ACBD6: variants seen among roughly 807,000 people sequenced by gnomAD.
The protein encoded by ACBD6 is acyl-CoA-binding domain-containing protein 6.
ACBD6 carries 28 observed loss-of-function variants against 37.2 expected under a neutral mutation model. The ratio of observed to expected loss-of-function variants is 0.75; its 90% confidence interval spans 0.56 to 1.03. ACBD6 has a LOEUF of 1.03. ACBD6 is among the 50% of genes least tolerant of loss of function. The pLI, the probability that ACBD6 is intolerant of heterozygous loss-of-function variation, is 0.00. For missense variants in ACBD6, 340 were observed against 337.4 expected (o/e 1.01, Z -0.06); for synonymous variants, 113 against 126.8 (o/e 0.89, Z 0.73).
At chr1:180,441,143 G>A (rs1221274220) in intron 3 of ACBD6, among the ~76,000 whole-genome samples, 1 of 152,048 alleles carries the variant, frequency 6.6e-6, no homozygotes, top group Non-Finnish European at 1.5e-5. Context: ...CTGCACCATT[G>A]TACAGTCTTA....
intron 6 of ACBD6, among the ~76,000 whole-genome samples, chr1:180,381,091 C>A (rs987711369): frequency 3.9e-5 from 6 of 151,940 alleles, no homozygotes; most frequent in Non-Finnish European, 8.8e-5. Flanking sequence ...ACAAAATGAA[C>A]TTTAAGTCAA....
downstream of ACBD6, among the ~76,000 whole-genome samples, chr1:180,288,047 G>A (rs1411517268): frequency 6.6e-5 from 10 of 152,204 alleles, no homozygotes; most frequent in Non-Finnish European, 1.5e-4. Flanking sequence ...TTTTAAAAAA[G>A]CAGCCATGTT....
chr1:180,493,161 T>C (rs1173295909), intron 2 of ACBD6, among the ~76,000 whole-genome samples: 1 of 144,914 alleles, frequency 6.9e-6, no homozygotes, highest in African/African-American at 2.5e-5. Flanking sequence ...GGCAGGAGAA[T>C]TGCTTGAACC....
chr1:180,386,599 C>T (rs1653854560), intron 6 of ACBD6, among the ~76,000 whole-genome samples: 1 of 152,026 alleles, frequency 6.6e-6, no homozygotes, highest in Non-Finnish European at 1.5e-5. Flanking sequence ...GTCCTGGAGC[C>T]TCTGTTAATT....
At chr1:180,320,645 TA>T (rs1321405461) in intron 6 of ACBD6, among the ~76,000 whole-genome samples, 1 of 151,874 alleles carries the variant, frequency 6.6e-6, no homozygotes, top group African/African-American at 2.4e-5. Flanking sequence ...TCTCAAAAAA[TA>T]AAAATAAAAA....
At chr1:180,271,598 C>A in exon 14 of ACBD6, 2 of 1,588,764 alleles carry the variant, frequency 1.3e-6, no homozygotes, top group Non-Finnish European at 1.7e-6. Context: ...TGGAAGGTAT[C>A]CTGAGTGACA....
At chr1:180,422,400 T>C (rs1239618658) in intron 4 of ACBD6, among the ~76,000 whole-genome samples, 1 of 152,050 alleles carries the variant, frequency 6.6e-6, no homozygotes, top group Non-Finnish European at 1.5e-5. Context: ...GAGATGGGGT[T>C]TCAACATGTT....
At chr1:180,358,992 T>C (rs1337284362) in intron 6 of ACBD6, among the ~76,000 whole-genome samples, 1 of 152,158 alleles carries the variant, frequency 6.6e-6, no homozygotes, top group Admixed American at 6.5e-5. Flanking sequence ...TTTGACTTGA[T>C]TTACCTATCC....
intron 2 of ACBD6, among the ~76,000 whole-genome samples, chr1:180,493,547 A>G (rs371859552): frequency 6.6e-6 from 1 of 152,140 alleles, no homozygotes; most frequent in East Asian, 1.9e-4. Flanking sequence ...GATGAATATA[A>G]TATCTTTCTG....
At chr1:180,431,554 C>T (rs1343469533) in intron 3 of ACBD6, among the ~76,000 whole-genome samples, 2 of 152,082 alleles carry the variant, frequency 1.3e-5, no homozygotes, top group East Asian at 3.9e-4. Flanking sequence ...CCCCAACTTA[C>T]AATGGTTCGA....
chr1:180,391,197 A>C (rs1449102375), intron 6 of ACBD6, among the ~76,000 whole-genome samples: 1 of 152,174 alleles, frequency 6.6e-6, no homozygotes, highest in Non-Finnish European at 1.5e-5. Flanking sequence ...AAAGACTTCA[A>C]TGTAAGAGAT....
At chr1:180,492,130 A>G in intron 3 of ACBD6, 139 bp downstream of exon 3, 1 of 700,426 alleles carries the variant, frequency 1.4e-6, no homozygotes, top group South Asian at 1.8e-5. Context: ...TATTAGATAA[A>G]TATTACAATA....
chr1:180,279,871 A>G lies in ACBD6; in HGVS notation c.*174+1435T>C, dbSNP rs34402471. Among the ~76,000 whole-genome samples, 1,471 of 152,136 alleles carry G rather than the reference A, an allele frequency of 9.7e-3. 13 individuals are homozygous for G. Among genetic ancestry groups the G allele is most frequent in the Non-Finnish European group, 0.012 (834 of 67,982 alleles). On this transcript the variant is annotated intron_variant, in intron 9 of 13. Coordinates refer to the ACBD6 transcript ENST00000642319. ...AAAAAAAGTCATAGCATTTCTTTACAGCTGGGATTCCACTGTGGAAAAACT... is the reference window on the plus strand; with the variant it reads ...AAAAAAAGTCATAGCATTTCTTTACGGCTGGGATTCCACTGTGGAAAAACT...
At chr1:180,432,163 C>T (rs1026425029) in intron 3 of ACBD6, among the ~76,000 whole-genome samples, 6 of 150,558 alleles carry the variant, frequency 4.0e-5, no homozygotes, top group South Asian at 2.1e-4. Flanking sequence ...GCCAAGATCA[C>T]GCCACTGCAC....
chr1:180,329,178 A>G (rs368858227), intron 6 of ACBD6, among the ~76,000 whole-genome samples: 2 of 152,190 alleles, frequency 1.3e-5, no homozygotes, highest in South Asian at 2.1e-4. Flanking sequence ...TCTGGCACCA[A>G]GTAAATGTCT....
exon 11 of ACBD6, chr1:180,274,066 G>GC: frequency 7.7e-7 from 1 of 1,298,382 alleles, no homozygotes; most frequent in Non-Finnish European, 1.1e-6. Flanking sequence ...ATGCTTGGCT[G>GC]CAAGGCAGCT....
chr1:180,452,711 AC>A (rs1484675948), intron 3 of ACBD6, among the ~76,000 whole-genome samples: 7 of 152,090 alleles, frequency 4.6e-5, no homozygotes, highest in African/African-American at 1.7e-4. Flanking sequence ...AATAGACACA[AC>A]AAAAAATGAT....
chr1:180,284,919 A>G (rs1481659013), downstream of ACBD6, among the ~76,000 whole-genome samples: 1 of 152,096 alleles, frequency 6.6e-6, no homozygotes, highest in Admixed American at 6.5e-5. Flanking sequence ...TGGGAGGCCA[A>G]TGCGGGCAGA....
chr1:180,478,588 A>G (rs949296062), intron 3 of ACBD6, among the ~76,000 whole-genome samples: 1 of 151,394 alleles, frequency 6.6e-6, no homozygotes, highest in Non-Finnish European at 1.5e-5. Context: ...TCCCAGGTTC[A>G]AGCAATTCTC....
Sources: allele counts gnomAD v4.1 joint callset (sites outside exome capture counted in the v4.1 genomes callset), GRCh38; gene constraint gnomAD v4.1.1; transcripts MANE v1.5; gene names NCBI Gene and HGNC (gene_info 2026-07-23, HGNC 2026-07-21).